The following INPP4B variants were observed in gnomAD, a reference collection of about 807,000 sequenced individuals.
INPP4B encodes the protein inositol polyphosphate-4-phosphatase type II B.
In INPP4B, 55 loss-of-function variants were observed where a neutral mutation model predicts 122.5. The observed-to-expected ratio is 0.45, with a 90% CI of 0.36 to 0.56. The LOEUF is 0.56. INPP4B is among the 20% of genes least tolerant of loss of function. INPP4B has a pLI of 0.00. For missense variants in INPP4B, 1,000 were observed against 1,097.7 expected (o/e 0.91, Z 1.26); for synonymous variants, 403 against 388.7 (o/e 1.04, Z -0.43).
chr4:142,769,341 C>T (rs1207478075), intron 1 of INPP4B, among the ~76,000 whole-genome samples: 1 of 152,122 alleles, frequency 6.6e-6, no homozygotes, highest in South Asian at 2.1e-4. Flanking sequence ...AGAGAGGTCC[C>T]CACGATGCTC....
Position 142,270,697 on chromosome 4 carries a change from G to A in INPP4B, c.581C>T (p.Ala194Val), listed in dbSNP as rs779307499. The change falls in exon 10 of 26, where the codon GCC becomes GTC. Residue 194 changes from alanine (A) to valine (V), a missense_variant. By Grantham distance (64) the Ala-to-Val change is moderately conservative (BLOSUM62 0). Transcript: ENST00000262992. The stretch of plus-strand genomic sequence containing the variant: ...CTGTACATCTGTGGTGATGTGGTCG[G>A]CTTCCCCATCCTCAATCTCCCCCAT... Reference protein sequence around the residue: ...VKMGEIEDGEADHITTDVQGQ... With the variant: ...VKMGEIEDGEVDHITTDVQGQ... 6 of 1,612,736 alleles carry A rather than the reference G, an allele frequency of 3.7e-6. No individual in the cohort carries two copies. Among genetic ancestry groups the A allele is most frequent in the Admixed American group, 1.7e-5 (1 of 59,976 alleles).
intron 7 of INPP4B, among the ~76,000 whole-genome samples, chr4:142,365,135 G>A (rs1786962053): frequency 1.3e-5 from 2 of 152,082 alleles, no homozygotes; most frequent in African/African-American, 4.8e-5. Context: ...TTTCAACTGG[G>A]CAGAATTTGA....
At chr4:142,073,037 C>A (rs141375438) in intron 25 of INPP4B, among the ~76,000 whole-genome samples, 457 of 152,028 alleles carry the variant, frequency 3.0e-3, no homozygotes, top group African/African-American at 0.01. Flanking sequence ...CTGAGCTGGC[C>A]TAATTGTTAG....
At chr4:142,247,654 T>G (rs1273470644) in intron 11 of INPP4B, among the ~76,000 whole-genome samples, 1 of 152,168 alleles carries the variant, frequency 6.6e-6, no homozygotes, top group Non-Finnish European at 1.5e-5. Flanking sequence ...TTATCATTTT[T>G]ATTGTGCCTA....
At chr4:142,529,298 C>A (rs539813566) in intron 2 of INPP4B, among the ~76,000 whole-genome samples, 1 of 152,034 alleles carries the variant, frequency 6.6e-6, no homozygotes, top group Non-Finnish European at 1.5e-5. Flanking sequence ...AGGATAATAT[C>A]CATGATTATC....
At chr4:142,295,088 G>A (rs1028605018) in intron 9 of INPP4B, among the ~76,000 whole-genome samples, 1 of 152,078 alleles carries the variant, frequency 6.6e-6, no homozygotes, top group Admixed American at 6.6e-5. Flanking sequence ...AATGTAGGAA[G>A]GGTCTTAGTT....
intron 2 of INPP4B, among the ~76,000 whole-genome samples, chr4:142,505,260 AC>A (rs888232067): frequency 1.9e-3 from 294 of 151,936 alleles, no homozygotes; most frequent in African/African-American, 6.9e-3. Context: ...AAAAAAGAAA[AC>A]TGTGCAAGTA....
chr4:142,055,730 A>G (rs890580034), intron 25 of INPP4B, among the ~76,000 whole-genome samples: 20 of 151,850 alleles, frequency 1.3e-4, no homozygotes, highest in Middle Eastern at 3.4e-3. Flanking sequence ...TTCATGGAAT[A>G]TTAGAAGGAT....
rs571739038 is a variant in INPP4B, at chr4:142,625,163, A to T, written c.-191+100676T>A. Among the ~76,000 whole-genome samples the T allele has an allele frequency of 1.4e-3, 209 of 151,694 alleles. 2 individuals are homozygous for T. In the East Asian group the frequency reaches 0.032, roughly 23 times the overall value. On this transcript the variant is annotated intron_variant, in intron 2 of 25. Coordinates refer to ENST00000262992, the MANE Select transcript of INPP4B (RefSeq NM_001101669.3). Reference sequence around the variant, plus strand: ...TAGGCAGGAGAAGGAAATAAAGGGTATTCAATTAGGAAAAGAGGAAGTCAA... The same window carrying T: ...TAGGCAGGAGAAGGAAATAAAGGGTTTTCAATTAGGAAAAGAGGAAGTCAA...
chr4:142,735,559 C>A (rs978255023), intron 1 of INPP4B, among the ~76,000 whole-genome samples: 2 of 152,086 alleles, frequency 1.3e-5, no homozygotes, highest in Non-Finnish European at 2.9e-5. Context: ...AGTTTGGTTA[C>A]CATGTTGCCC....
intron 9 of INPP4B, among the ~76,000 whole-genome samples, chr4:142,288,074 C>G (rs1034164878): frequency 1.3e-5 from 2 of 152,130 alleles, no homozygotes; most frequent in Non-Finnish European, 2.9e-5. Context: ...TTAATTGCTT[C>G]CCAAAGACTC....
At position 142,288,792 on chromosome 4, in the gene INPP4B, T is replaced by C. The variant is rs563183617; in HGVS notation, c.503+16666A>G. Among the ~76,000 whole-genome samples, 39 of 152,340 alleles carry C rather than the reference T, an allele frequency of 2.6e-4. No homozygotes were observed. The South Asian group carries it at 8.1e-3, about 32-fold the overall frequency. On this transcript the variant is annotated intron_variant, in intron 9 of 25. Coordinates refer to ENST00000262992, the MANE Select transcript of INPP4B (RefSeq NM_001101669.3). ...TCTAAACTTATTTTTCTCATCTGTA[T>C]AATGGGGATAATAATATATTACCTG...
rs915155545 is a variant in INPP4B, at chr4:142,027,368, A to G, written c.*1414T>C. The G allele has an allele frequency of 2.0e-5, 3 of 152,202 alleles. No homozygotes were observed. Among genetic ancestry groups the G allele is most frequent in the African/African-American group, 7.2e-5 (3 of 41,452 alleles). 9.4% of individuals were successfully genotyped at this position (152,202 alleles called of 1,614,324 possible). On this transcript the variant is annotated 3_prime_UTR_variant, in exon 26 of 26. Coordinates refer to ENST00000262992, the MANE Select transcript of INPP4B (RefSeq NM_001101669.3). ...ATAATATCATCCATTGATCATAGCT[A>G]AGAGAGGGCTTAAGAAGCCTCTGTT...
chr4:142,530,652 T>C (rs1179632870), intron 2 of INPP4B, among the ~76,000 whole-genome samples: 1 of 150,924 alleles, frequency 6.6e-6, no homozygotes, highest in Non-Finnish European at 1.5e-5. Flanking sequence ...TGAGAACAAT[T>C]TGATGGCTGC....
chr4:142,244,419 C>T (rs1726817122), intron 11 of INPP4B, among the ~76,000 whole-genome samples: 1 of 151,166 alleles, frequency 6.6e-6, no homozygotes, highest in Admixed American at 6.6e-5. Flanking sequence ...CCTGCCTCAG[C>T]CTCCCGAGTA....
intron 25 of INPP4B, among the ~76,000 whole-genome samples, chr4:142,042,216 G>T (rs973514924): frequency 1.2e-4 from 18 of 152,038 alleles, no homozygotes; most frequent in African/African-American, 4.1e-4. Context: ...TAGACACATA[G>T]CAAAGCAACC....
chr4:142,620,457 T>TACAC (rs370731796), intron 2 of INPP4B, among the ~76,000 whole-genome samples: 52 of 151,400 alleles, frequency 3.4e-4, no homozygotes, highest in Non-Finnish European at 6.2e-4. Flanking sequence ...ATACTTTGAG[T>TACAC]ACACACACAC....
chr4:142,235,959 ATTG>A (rs1395524395), intron 12 of INPP4B, among the ~76,000 whole-genome samples: 3 of 152,230 alleles, frequency 2.0e-5, no homozygotes, highest in African/African-American at 7.2e-5. Flanking sequence ...AGAATAAATT[ATTG>A]TTAACTGTAA....
intron 1 of INPP4B, among the ~76,000 whole-genome samples, chr4:142,726,482 A>C (rs1429414366): frequency 2.6e-5 from 4 of 152,220 alleles, no homozygotes; most frequent in African/African-American, 9.6e-5. Flanking sequence ...AAAGTACTTT[A>C]TCGAAGTCAA....
Sources: gnomAD v4.1 joint callset for allele counts (sites outside exome capture counted in the v4.1 genomes callset) on GRCh38, gnomAD v4.1.1 for gene constraint, MANE v1.5 for transcripts, NCBI Gene and HGNC (gene_info 2026-07-23, HGNC 2026-07-21) for gene names.